The following NMBR variants were observed in gnomAD, a reference collection of about 807,000 sequenced individuals.
The protein encoded by NMBR is neuromedin-B receptor.
Under a neutral mutation model 20.5 loss-of-function variants are expected in NMBR, and 16 were observed. The ratio of observed to expected loss-of-function variants is 0.78; its 90% CI spans 0.53 to 1.19. NMBR has a LOEUF of 1.19. NMBR is among the 50% of genes most tolerant of loss of function. The pLI is 0.00. For missense variants in NMBR, 582 were observed against 499.1 expected, an observed-to-expected ratio of 1.17 and a Z score of -1.58; for synonymous variants, 212 against 196.6, an observed-to-expected ratio of 1.08 and a Z score of -0.65.
intron 1 of NMBR, among the ~76,000 whole-genome samples, chr6:142,137,955 A>C (rs1479176708): frequency 6.6e-6 from 1 of 151,782 alleles, no homozygotes; most frequent in African/African-American, 2.4e-5. Context: ...TATATTGCGC[A>C]TGGGATCCTT....
intron 1 of NMBR, among the ~76,000 whole-genome samples, chr6:142,132,781 T>C (rs187682111): frequency 2.6e-5 from 4 of 151,718 alleles, no homozygotes; most frequent in East Asian, 1.9e-4. Context: ...CTAATTTAGA[T>C]ACAGTCCATT....
chr6:142,102,563 T>C (rs1365727991), intron 1 of NMBR, among the ~76,000 whole-genome samples: 2 of 152,158 alleles, frequency 1.3e-5, no homozygotes, highest in African/African-American at 4.8e-5. Flanking sequence ...TTCTATTATG[T>C]AGTATAACTT....
rs2114566853 is a variant in NMBR at position 142,088,653 on chromosome 6, G to C, written c.6C>G (p.Pro2=). The C allele has an allele frequency of 6.3e-7, 1 of 1,599,120 alleles. No individual in the cohort carries two copies. The highest frequency in any genetic ancestry group is 2.2e-5 in the East Asian group (1 of 44,734). M[P]SKSLSNLSVT... Reference sequence around the variant, plus strand: ...CCGAGAGGTTGGAAAGAGACTTAGAGGGCATGATCTCCTTTCCAGCAGAGT... The same window carrying C: ...CCGAGAGGTTGGAAAGAGACTTAGACGGCATGATCTCCTTTCCAGCAGAGT... Residue 2 remains proline (P), a synonymous_variant, in exon 2 of 4, where the codon CCC becomes CCG. Transcript: ENST00000258042.
At chr6:142,077,009 C>G (rs1406864828) in intron 3 of NMBR, among the ~76,000 whole-genome samples, 1 of 152,124 alleles carries the variant, frequency 6.6e-6, no homozygotes, top group Non-Finnish European at 1.5e-5. Context: ...TGAAGAGGAA[C>G]CCAGGCCAGG....
At chr6:142,095,641 T>G (rs1777434898) in intron 1 of NMBR, among the ~76,000 whole-genome samples, 1 of 152,204 alleles carries the variant, frequency 6.6e-6, no homozygotes, top group Non-Finnish European at 1.5e-5. Context: ...TGCCAGGCTT[T>G]GGTATCAGGA....
chr6:142,097,736 A>T (rs1777484214), intron 1 of NMBR, among the ~76,000 whole-genome samples: 1 of 152,152 alleles, frequency 6.6e-6, no homozygotes, highest in South Asian at 2.1e-4. Flanking sequence ...AAATCAGTTA[A>T]TTGAAACTAA....
At chr6:142,099,868 G>A (rs2114579403) in intron 1 of NMBR, among the ~76,000 whole-genome samples, 1 of 151,948 alleles carries the variant, frequency 6.6e-6, no homozygotes, top group East Asian at 1.9e-4. Context: ...AAATTCATCA[G>A]TAAAAAAATA....
At chr6:142,146,511 T>A (rs997837774) in intron 1 of NMBR, among the ~76,000 whole-genome samples, 1 of 152,096 alleles carries the variant, frequency 6.6e-6, no homozygotes, top group Non-Finnish European at 1.5e-5. Flanking sequence ...GTACAATGGT[T>A]AAGAGTTACC....
intron 1 of NMBR, among the ~76,000 whole-genome samples, chr6:142,114,097 C>T (rs562296269): frequency 1.1e-4 from 16 of 152,218 alleles, no homozygotes; most frequent in African/African-American, 3.6e-4. Flanking sequence ...ATACATGCAG[C>T]TGCAAAGTGT....
chr6:142,118,545 G>C (rs546788229), intron 1 of NMBR, among the ~76,000 whole-genome samples: 2 of 152,006 alleles, frequency 1.3e-5, no homozygotes, highest in Admixed American at 1.3e-4. Context: ...CACTGTGCTA[G>C]TTGCCTCTGC....
At chr6:142,079,100 G>GAA (rs1280308660) in intron 2 of NMBR, among the ~76,000 whole-genome samples, 197 bp from the exon 3 acceptor site, 9 of 38,024 alleles carry the variant, frequency 2.4e-4, no homozygotes, top group African/African-American at 1.3e-3. Flanking sequence ...GAGAAAGAGA[G>GAA]AGAGAGAAAG....
In NMBR at chr6:142,138,944, C is replaced by G. The variant is rs552048753; in HGVS notation, c.-664+8100G>C. On this transcript the variant is annotated intron_variant, in intron 1 of 3. Coordinates refer to ENST00000258042, the MANE Select transcript of NMBR (RefSeq NM_002511.4). ...TTATATATGACCAGTGTAGTACTTACTGAAAGGCCAGTTTTGCCCCAATAC... is the reference window on the plus strand; with the variant it reads ...TTATATATGACCAGTGTAGTACTTAGTGAAAGGCCAGTTTTGCCCCAATAC... 3.9e-5 allele frequency among the ~76,000 whole-genome samples: 6 copies of G among 152,298 alleles called. No individual in the cohort carries two copies. The South Asian group carries it at 1.2e-3, about 32-fold the overall frequency.
At chr6:142,076,890 G>C (rs1776960516) in intron 3 of NMBR, among the ~76,000 whole-genome samples, 1 of 152,124 alleles carries the variant, frequency 6.6e-6, no homozygotes, top group South Asian at 2.1e-4. Context: ...GAATACTACT[G>C]GTCGTCAACT....
intron 1 of NMBR, among the ~76,000 whole-genome samples, chr6:142,143,784 A>AG (rs1778390801): frequency 2.1e-5 from 2 of 96,742 alleles, no homozygotes. Context: ...GCAAAAGCAA[A>AG]GGAAAAAAAA....
rs1350022961 is a variant in NMBR, at chr6:142,076,073, C to T, written c.772-24G>A. 13 of 1,535,638 alleles carry T rather than the reference C, an allele frequency of 8.5e-6. No individual in the cohort carries two copies. In the Admixed American group the frequency reaches 2.8e-4, roughly 33 times the overall value. ...ATCTGCAAATATAAGAAATTGATCCCATTGGTTAAAGTGAAAATGGAACCA... is the reference window on the plus strand; with the variant it reads ...ATCTGCAAATATAAGAAATTGATCCTATTGGTTAAAGTGAAAATGGAACCA... On this transcript the variant is annotated intron_variant, in intron 3 of 3. Coordinates refer to ENST00000258042, the MANE Select transcript of NMBR (RefSeq NM_002511.4).
intron 2 of NMBR, among the ~76,000 whole-genome samples, chr6:142,085,974 A>T (rs1188689358): frequency 6.8e-6 from 1 of 146,506 alleles, no homozygotes; most frequent in African/African-American, 2.5e-5. Context: ...GTTACATTTT[A>T]TGATGTTTTT....
chr6:142,084,796 T>G (rs1777168949), intron 2 of NMBR, among the ~76,000 whole-genome samples: 1 of 152,134 alleles, frequency 6.6e-6, no homozygotes, highest in Admixed American at 6.5e-5. Flanking sequence ...GAGAAAGAGA[T>G]AACTATAACG....
intron 1 of NMBR, among the ~76,000 whole-genome samples, chr6:142,145,752 C>T (rs899256403): frequency 6.6e-6 from 1 of 152,234 alleles, no homozygotes; most frequent in African/African-American, 2.4e-5. Flanking sequence ...GTTTGAAACA[C>T]CATCTGTGGA....
intron 1 of NMBR, chr6:142,133,102 T>C: frequency 1.6e-6 from 1 of 617,314 alleles, no homozygotes; most frequent in East Asian, 2.8e-5. Context: ...AGAAGCAAAC[T>C]GGCAATGTGG....
Sources: allele counts gnomAD v4.1 joint callset (sites outside exome capture counted in the v4.1 genomes callset), GRCh38; gene constraint gnomAD v4.1.1; transcripts MANE v1.5; gene names NCBI Gene and HGNC (gene_info 2026-07-23, HGNC 2026-07-21).